Variants in CTNND2 observed in about 807,000 individuals in gnomAD.
The protein encoded by CTNND2 is catenin delta-2.
In CTNND2, 22 loss-of-function variants were observed where a neutral mutation model predicts 144.4. The ratio of observed to expected loss-of-function variants is 0.15; its 90% confidence interval spans 0.11 to 0.22. The LOEUF (loss-of-function observed/expected upper bound fraction) is 0.22. Among genes scored for constraint, CTNND2 ranks in the 10% least tolerant of loss-of-function variants. The pLI, the probability that CTNND2 is intolerant of heterozygous loss-of-function variation, is 1.00. For synonymous variants in CTNND2, 751 were observed against 695.6 expected (o/e 1.08, Z -1.25); for missense variants, 1,353 against 1,618.8 (o/e 0.84, Z 2.82).
intron 10 of CTNND2, among the ~76,000 whole-genome samples, chr5:11,222,484 C>A (rs1384180335): frequency 6.6e-6 from 1 of 152,074 alleles, no homozygotes; most frequent in Non-Finnish European, 1.5e-5. Flanking sequence ...TCACTTTGGG[C>A]TATTAAAATG....
chr5:11,878,059 G>C (rs993447952), intron 1 of CTNND2, among the ~76,000 whole-genome samples: 5 of 151,976 alleles, frequency 3.3e-5, no homozygotes, highest in Non-Finnish European at 7.4e-5. Context: ...TTCTTCTTTT[G>C]AAAGTGTGGT....
chr5:11,418,996 C>A (rs1043765476), intron 3 of CTNND2, among the ~76,000 whole-genome samples: 8 of 147,798 alleles, frequency 5.4e-5, no homozygotes, highest in East Asian at 2.0e-4. Context: ...ATGCATCTCT[C>A]TATATATATA....
intron 16 of CTNND2, among the ~76,000 whole-genome samples, chr5:11,038,964 A>C (rs1464976674): frequency 6.6e-6 from 1 of 152,204 alleles, no homozygotes; most frequent in Non-Finnish European, 1.5e-5. Context: ...CTGTAAAGGC[A>C]AACCAGTACC....
chr5:11,421,502 G>A (rs1762361937), intron 3 of CTNND2, among the ~76,000 whole-genome samples: 1 of 152,132 alleles, frequency 6.6e-6, no homozygotes. Context: ...ACATCATGTT[G>A]TTCAAATGGC....
intron 10 of CTNND2, among the ~76,000 whole-genome samples, chr5:11,200,902 A>G (rs989682034): frequency 6.7e-6 from 1 of 149,684 alleles, no homozygotes; most frequent in African/African-American, 2.5e-5. Flanking sequence ...GATGGTCTCG[A>G]TCTCCTGACC....
chr5:11,674,442 C>T lies in CTNND2; in HGVS notation c.174+57694G>A, dbSNP rs1246527078. 2.0e-5 allele frequency among the ~76,000 whole-genome samples: 3 copies of T among 152,174 alleles called. No individual in the cohort carries two copies. In the East Asian group the frequency reaches 5.8e-4, roughly 29 times the overall value. On this transcript the variant is annotated intron_variant, in intron 2 of 21. Coordinates refer to ENST00000304623, the MANE Select transcript of CTNND2 (RefSeq NM_001332.4). ...TTCCCCTATACTTCCTACCCCCACA[C>T]ATGTATAGCCTCCCTCATTATCAAC...
Position 11,115,990 on chromosome 5 carries a change from T to C in CTNND2, c.2277+1460A>G, listed in dbSNP as rs371091183. ...CTAACTTTGTAACTAAATTACATTTTACCAGATTCCCAATTAGAGAGTCAT... is the reference window on the plus strand; with the variant it reads ...CTAACTTTGTAACTAAATTACATTTCACCAGATTCCCAATTAGAGAGTCAT... On this transcript the variant is annotated intron_variant, in intron 13 of 21. Transcript: ENST00000304623. 7.9e-5 allele frequency among the ~76,000 whole-genome samples: 12 copies of C among 152,370 alleles called. No homozygotes were observed. The East Asian group carries it at 2.1e-3, about 27-fold the overall frequency.
At chr5:11,030,754 G>GTTTTTTTTTTTTTTTTTTTTTTGTTTTTT in intron 16 of CTNND2, among the ~76,000 whole-genome samples, 1 of 100,766 alleles carries the variant, frequency 9.9e-6, no homozygotes, top group Non-Finnish European at 2.0e-5. Flanking sequence ...TATGGTTTCT[G>GTTTTTTTTTTTTTTTTTTTTTTGTTTTTT]TTTTTTTTTT....
intron 3 of CTNND2, among the ~76,000 whole-genome samples, chr5:11,546,285 A>G (rs533922617): frequency 4.1e-3 from 171 of 41,976 alleles, no homozygotes; most frequent in African/African-American, 0.024. Context: ...ATATCTCAAT[A>G]AAGCCTTTTT....
chr5:11,718,497 C>T (rs1581769625), intron 2 of CTNND2, among the ~76,000 whole-genome samples: 1 of 152,248 alleles, frequency 6.6e-6, no homozygotes. Flanking sequence ...TTCCCCAAAG[C>T]CTCTTGATAT....
intron 9 of CTNND2, among the ~76,000 whole-genome samples, chr5:11,270,105 C>G (rs1170525545): frequency 6.6e-6 from 1 of 152,138 alleles, no homozygotes; most frequent in Non-Finnish European, 1.5e-5. Flanking sequence ...ATGTTGAGTC[C>G]ACTTCCCATG....
At chr5:11,454,309 A>G (rs1302658455) in intron 3 of CTNND2, among the ~76,000 whole-genome samples, 1 of 152,140 alleles carries the variant, frequency 6.6e-6, no homozygotes, top group East Asian at 1.9e-4. Context: ...AGTCCCAGCT[A>G]CTAGGGAGGT....
At chr5:11,592,868 A>T (rs746297986) in intron 2 of CTNND2, among the ~76,000 whole-genome samples, 6 of 151,364 alleles carry the variant, frequency 4.0e-5, no homozygotes, top group Non-Finnish European at 8.8e-5. Context: ...GGTGGACTAG[A>T]AAACTGCAGT....
intron 2 of CTNND2, among the ~76,000 whole-genome samples, chr5:11,664,462 G>A (rs146955389): frequency 0.013 from 1,914 of 152,260 alleles, 22 homozygotes; most frequent in Non-Finnish European, 0.021. Context: ...GTGGTGGCTG[G>A]TGCCTGTAAT....
At chr5:11,534,030 T>A (rs1773993183) in intron 3 of CTNND2, among the ~76,000 whole-genome samples, 1 of 152,070 alleles carries the variant, frequency 6.6e-6, no homozygotes, top group South Asian at 2.1e-4. Flanking sequence ...ATGCAAAGAG[T>A]TTGTACTTCC....
intron 12 of CTNND2, among the ~76,000 whole-genome samples, chr5:11,134,405 A>C (rs952121170): frequency 1.3e-5 from 2 of 152,166 alleles, no homozygotes; most frequent in African/African-American, 4.8e-5. Context: ...CAAACAGAGA[A>C]ACCAGCCAAG....
At chr5:11,446,710 A>T (rs187004653) in intron 3 of CTNND2, among the ~76,000 whole-genome samples, 1 of 152,124 alleles carries the variant, frequency 6.6e-6, no homozygotes, top group Admixed American at 6.5e-5. Context: ...ATTTCTGGAG[A>T]TCAAGAGAGT....
intron 3 of CTNND2, among the ~76,000 whole-genome samples, chr5:11,558,410 G>A (rs1262997438): frequency 6.6e-6 from 1 of 151,182 alleles, no homozygotes; most frequent in African/African-American, 2.4e-5. Flanking sequence ...CTGTTGCCCA[G>A]GCTGGAGTGC....
intron 2 of CTNND2, among the ~76,000 whole-genome samples, chr5:11,673,678 C>T (rs1400020333): frequency 6.6e-6 from 1 of 151,988 alleles, no homozygotes; most frequent in African/African-American, 2.4e-5. Context: ...ATTGGCATTA[C>T]CATGCTGATT....
Sources: allele counts gnomAD v4.1 joint callset (sites outside exome capture counted in the v4.1 genomes callset), GRCh38; gene constraint gnomAD v4.1.1; transcripts MANE v1.5; gene names NCBI Gene and HGNC (gene_info 2026-07-23, HGNC 2026-07-21).